USP12: variants seen among roughly 807,000 people sequenced by gnomAD.
USP12 encodes the protein ubiquitin carboxyl-terminal hydrolase 12.
Under a neutral mutation model 45.5 loss-of-function variants are expected in USP12, and 19 were observed. That is an observed-to-expected ratio of 0.42 (90% CI 0.29 to 0.61). The LOEUF (loss-of-function observed/expected upper bound fraction) is 0.61, where lower values mean the gene tolerates loss of function less well. Ranked by LOEUF, USP12 falls within the 20% of genes least tolerant of loss-of-function variation. The probability of loss-of-function intolerance (pLI) is 0.22; values close to 1 mark genes in which losing one functional copy is unlikely to be tolerated. For missense variants in USP12, 242 were observed against 447.7 expected (o/e 0.54, Z 4.15); for synonymous variants, 149 against 148.8 (o/e 1.00, Z -0.01).
At chr13:27,117,161 G>A (rs11841364) in intron 1 of USP12, among the ~76,000 whole-genome samples, 3,208 of 152,220 alleles carry the variant, frequency 0.021, 137 homozygotes, top group African/African-American at 0.073. Context: ...CTAAAAATTC[G>A]TTTATAGGAA....
chr13:27,136,415 T>C (rs907999341), intron 1 of USP12, among the ~76,000 whole-genome samples: 1 of 152,110 alleles, frequency 6.6e-6, no homozygotes, highest in African/African-American at 2.4e-5. Flanking sequence ...GGAGAATCGC[T>C]TGAACCGGGG....
At chr13:27,133,330 T>TTAA (rs1448376089) in intron 1 of USP12, among the ~76,000 whole-genome samples, 6 of 152,206 alleles carry the variant, frequency 3.9e-5, no homozygotes, top group Non-Finnish European at 7.3e-5. Flanking sequence ...ATAACATAGT[T>TTAA]TAACAAGAAT....
chr13:27,070,137 A>G (rs1257893907), intron 8 of USP12, among the ~76,000 whole-genome samples: 1 of 152,240 alleles, frequency 6.6e-6, no homozygotes, highest in African/African-American at 2.4e-5. Flanking sequence ...AAAAAGAACT[A>G]CTATTACCGC....
chr13:27,085,866 C>CA (rs1229126985), intron 6 of USP12, among the ~76,000 whole-genome samples: 7 of 151,308 alleles, frequency 4.6e-5, no homozygotes, highest in African/African-American at 9.7e-5. Context: ...TATGTTCATA[C>CA]AAAAAAAATA....
chr13:27,074,138 C>T (rs761194723), intron 7 of USP12, among the ~76,000 whole-genome samples: 6 of 152,136 alleles, frequency 3.9e-5, no homozygotes, highest in Admixed American at 3.3e-4. Context: ...CGGTGGCTCA[C>T]GCGTGTAATC....
chr13:27,115,120 A>C (rs1875665502), intron 2 of USP12, among the ~76,000 whole-genome samples: 1 of 152,224 alleles, frequency 6.6e-6, no homozygotes, highest in Non-Finnish European at 1.5e-5. Flanking sequence ...CAGAGACCAG[A>C]AGCTTATATT....
chr13:27,067,975 T>C lies in USP12; in HGVS notation c.*1308A>G, dbSNP rs1174330529. 1 of 152,178 alleles carries C rather than the reference T, an allele frequency of 6.6e-6. No individual in the cohort carries two copies. The highest frequency in any genetic ancestry group is 2.4e-5 in the African/African-American group (1 of 41,428). The allele number at this position is 152,178 out of a possible 1,614,324, so 9.4% of individuals were successfully genotyped here. A position where few individuals can be genotyped will look rare whatever the true frequency, so the allele number is the denominator to read the frequency against. On this transcript the variant is annotated 3_prime_UTR_variant, in exon 9 of 9. Transcript: ENST00000282344. ...ATGAAGTCTTAGCAAACACAGATTT[T>C]AATTTCTGAACACCCTTCCAGTAAG...
intron 1 of USP12, among the ~76,000 whole-genome samples, chr13:27,134,933 T>C: frequency 6.6e-6 from 1 of 152,192 alleles, no homozygotes; most frequent in East Asian, 1.9e-4. Context: ...GTAGACATGT[T>C]CTAACTAAAT....
intron 1 of USP12, among the ~76,000 whole-genome samples, chr13:27,141,725 A>G (rs1254740583): frequency 6.6e-6 from 1 of 152,204 alleles, no homozygotes; most frequent in African/African-American, 2.4e-5. Flanking sequence ...ATGCCAACTA[A>G]AACACAGAGA....
chr13:27,113,548 A>G (rs1459898818), intron 2 of USP12, among the ~76,000 whole-genome samples: 3 of 152,224 alleles, frequency 2.0e-5, no homozygotes, highest in African/African-American at 7.2e-5. Flanking sequence ...TACCTCACCC[A>G]GAAGTCATCT....
chr13:27,129,530 G>A lies in USP12; in HGVS notation c.49-12934C>T, dbSNP rs1212558162. On this transcript the variant is annotated intron_variant, in intron 1 of 8. Coordinates refer to ENST00000282344, the MANE Select transcript of USP12 (RefSeq NM_182488.4). This position sits in a 1 kb window ranked among gnomAD's most constrained non-coding sequence, Gnocchi z 4.0. ...CTTAAGGCCCGGAGTTCTAGAGAAG[G>A]CTGGGCAACATAGCAAGACTCTGTC... 7.2e-5 allele frequency among the ~76,000 whole-genome samples: 11 copies of A among 152,116 alleles called. No individual in the cohort carries two copies. Among genetic ancestry groups the A allele is most frequent in the African/African-American group, 2.4e-4 (10 of 41,406 alleles).
intron 1 of USP12, among the ~76,000 whole-genome samples, chr13:27,149,004 G>A (rs931775538): frequency 1.3e-5 from 2 of 151,822 alleles, no homozygotes; most frequent in Admixed American, 1.3e-4. Context: ...GCAACATGGT[G>A]AGAACCCATC....
intron 3 of USP12, among the ~76,000 whole-genome samples, chr13:27,097,157 T>TAGTA (rs1285526027): frequency 2.0e-5 from 3 of 147,634 alleles, no homozygotes; most frequent in African/African-American, 7.5e-5. Flanking sequence ...TTCAATCCCA[T>TAGTA]AGTAAGTTTA....
intron 1 of USP12, chr13:27,169,059 G>A (rs867730817): frequency 6.6e-6 from 1 of 152,262 alleles, no homozygotes; most frequent in Middle Eastern, 3.4e-3. Flanking sequence ...AAGGACTTTG[G>A]AAAACTTTTA....
chr13:27,080,046 A>C (rs903304767), intron 6 of USP12, among the ~76,000 whole-genome samples: 2 of 152,218 alleles, frequency 1.3e-5, no homozygotes, highest in African/African-American at 4.8e-5. Context: ...GCATGTGTTA[A>C]AATGGGGGAT....
At chr13:27,109,028 T>C (rs1056606466) in intron 2 of USP12, among the ~76,000 whole-genome samples, 13 of 152,136 alleles carry the variant, frequency 8.5e-5, no homozygotes, top group Non-Finnish European at 1.3e-4. Context: ...CCATTGACAA[T>C]TGCAAACTAA....
intron 1 of USP12, chr13:27,117,915 A>G: frequency 2.2e-6 from 1 of 444,800 alleles, no homozygotes; most frequent in Non-Finnish European, 4.7e-6. Flanking sequence ...AGATACAACT[A>G]AACAGATTCT....
rs1381690283 is a variant in USP12, at chr13:27,103,392, T to C, written c.343+2339A>G. On this transcript the variant is annotated intron_variant, in intron 3 of 8. Transcript: ENST00000282344. ...ATTTGCAAATGTCAGCAACATCAAA[T>C]AATAAAAATGCTTTTCTATTAAAAA... 3.3e-5 allele frequency among the ~76,000 whole-genome samples: 5 copies of C among 151,438 alleles called. No homozygotes were observed. In the East Asian group the frequency reaches 7.7e-4, roughly 23 times the overall value.
intron 6 of USP12, among the ~76,000 whole-genome samples, chr13:27,084,705 T>C (rs1873933177): frequency 6.6e-6 from 1 of 152,210 alleles, no homozygotes; most frequent in Admixed American, 6.5e-5. Context: ...GTTGCCTGTA[T>C]ATGTATGGTT....
Sources: gnomAD v4.1 joint callset for allele counts (sites outside exome capture counted in the v4.1 genomes callset) on GRCh38, gnomAD v4.1.1 for gene constraint, Gnocchi (gnomAD v3.1) non-coding constraint, MANE v1.5 for transcripts, NCBI Gene and HGNC (gene_info 2026-07-23, HGNC 2026-07-21) for gene names.